TENM2: variants seen among roughly 807,000 people sequenced by gnomAD.
The protein encoded by TENM2 is teneurin-2.
A neutral mutation model predicts 245.2 loss-of-function variants in TENM2; 52 were observed. The ratio of observed to expected loss-of-function variants is 0.21; its 90% confidence interval spans 0.17 to 0.27. TENM2 has a LOEUF of 0.27. Ranked by LOEUF, TENM2 falls within the 10% of genes least tolerant of loss-of-function variation. TENM2 has a pLI of 1.00. For synonymous variants in TENM2, 1,363 were observed against 1,438.9 expected, an observed-to-expected ratio of 0.95 and a Z score of 1.19; for missense variants, 3,046 against 3,666.8, an observed-to-expected ratio of 0.83 and a Z score of 4.37.
intron 2 of TENM2, among the ~76,000 whole-genome samples, chr5:167,742,981 AACAACAAC>A (rs1561728255): frequency 1.1e-3 from 5 of 4,590 alleles, no homozygotes; most frequent in South Asian, 8.6e-3. Flanking sequence ...TCTTAAAAAC[AACAACAAC>A]AACAACAACA....
At chr5:167,776,586 C>A (rs1763794123) in intron 2 of TENM2, among the ~76,000 whole-genome samples, 1 of 78,576 alleles carries the variant, frequency 1.3e-5, no homozygotes, top group Admixed American at 1.7e-4. Context: ...CAGATGAGAC[C>A]CTGTCTGAAA....
At chr5:167,054,695 G>A in the TENM2 span, among the ~76,000 whole-genome samples, 1 of 152,096 alleles carries the variant, frequency 6.6e-6, no homozygotes, top group Non-Finnish European at 1.5e-5. Flanking sequence ...CCAGGAGTTG[G>A]TATTGTCAGT....
At position 168,118,498 on chromosome 5, in the gene TENM2, G is replaced by C. The variant is rs755138511; in HGVS notation, c.2008+12G>C. On this transcript the variant is annotated intron_variant, in intron 10 of 28. Transcript: ENST00000518659. Reference sequence around the variant, plus strand: ...GCACTGTGAGGAAGGTAAGCCCGCCGGCCCCGGGGCTAGGCAGCAGTGGAG... The same window carrying C: ...GCACTGTGAGGAAGGTAAGCCCGCCCGCCCCGGGGCTAGGCAGCAGTGGAG... 5.3e-6 allele frequency: 8 copies of C among 1,502,272 alleles called. No homozygotes were observed. The highest frequency in any genetic ancestry group is 4.6e-5 in the East Asian group (2 of 43,476). 93.1% of individuals were successfully genotyped at this position (1,502,272 alleles called of 1,614,324 possible).
chr5:168,036,677 G>GTGTATATATATA (rs575960979), intron 5 of TENM2, among the ~76,000 whole-genome samples: 4 of 117,794 alleles, frequency 3.4e-5, no homozygotes, highest in African/African-American at 1.4e-4. Flanking sequence ...ATATGTATGT[G>GTGTATATATATA]TATATATATA....
At chr5:167,808,290 C>G (rs554230241) in intron 2 of TENM2, among the ~76,000 whole-genome samples, 1 of 152,280 alleles carries the variant, frequency 6.6e-6, no homozygotes, top group Non-Finnish European at 1.5e-5. Context: ...GGTAGAGTCT[C>G]ACTCTGTCAC....
At chr5:168,127,747 G>C (rs754432888) in intron 12 of TENM2, among the ~76,000 whole-genome samples, 1 of 152,168 alleles carries the variant, frequency 6.6e-6, no homozygotes, top group Admixed American at 6.5e-5. Flanking sequence ...TTGTCAACTT[G>C]AGCATCATTT....
chr5:167,758,051 A>G (rs916773660), intron 2 of TENM2, among the ~76,000 whole-genome samples: 3 of 152,290 alleles, frequency 2.0e-5, no homozygotes, highest in Non-Finnish European at 4.4e-5. Context: ...TGTAGAATCT[A>G]CCAGAGTTTG....
chr5:168,132,102 C>T lies in TENM2; in HGVS notation c.2422+5136C>T, dbSNP rs937743485. ...AGGAGTCACCACATGCCCAGAAGTTCTTTTTGAGTCTGGGTCAGACAGTCT... is the reference window on the plus strand; with the variant it reads ...AGGAGTCACCACATGCCCAGAAGTTTTTTTTGAGTCTGGGTCAGACAGTCT... On this transcript the variant is annotated intron_variant, in intron 12 of 28. Transcript: ENST00000518659. Among the ~76,000 whole-genome samples the T allele has an allele frequency of 5.3e-5, 8 of 150,986 alleles. No individual in the cohort carries two copies. In the Admixed American group the frequency reaches 5.3e-4, roughly 10 times the overall value.
At chr5:167,606,621 C>G (rs1007497682) in intron 2 of TENM2, among the ~76,000 whole-genome samples, 9 of 151,982 alleles carry the variant, frequency 5.9e-5, no homozygotes, top group Admixed American at 6.6e-5. Flanking sequence ...GAGGGTAGTT[C>G]CCAACCCCGA....
chr5:167,622,678 C>T (rs78761881), intron 2 of TENM2, among the ~76,000 whole-genome samples: 1 of 152,062 alleles, frequency 6.6e-6, no homozygotes, highest in Non-Finnish European at 1.5e-5. Flanking sequence ...CCATCATACA[C>T]TGTAGACATG....
At position 168,063,492 on chromosome 5, in the gene TENM2, C is replaced by T. The variant is rs1313825177; in HGVS notation, c.1515+1227C>T. ...TTTCCTGCCTTGTATGCCCTCAAAT[C>T]CAGGAAGAACATAAGGTACATTAGG... On this transcript the variant is annotated intron_variant, in intron 7 of 28. Coordinates refer to ENST00000518659, the Ensembl canonical transcript of TENM2. 8.6e-5 allele frequency among the ~76,000 whole-genome samples: 13 copies of T among 151,922 alleles called. No homozygotes were observed. In the South Asian group the frequency reaches 1.9e-3, roughly 22 times the overall value.
chr5:167,755,314 G>A (rs1001843633), intron 2 of TENM2: 14 of 662,156 alleles, frequency 2.1e-5, no homozygotes, highest in South Asian at 7.3e-5. Flanking sequence ...GAGACTTGAC[G>A]GTGAAACTAT....
chr5:167,062,023 A>G, the TENM2 span, among the ~76,000 whole-genome samples: 95,998 of 151,440 alleles, frequency 0.63, 32,737 homozygotes, highest in African/African-American at 0.9. Context: ...CTGAACAGCC[A>G]CAGAAATAAC....
At chr5:168,050,935 C>A (rs956390492) in intron 6 of TENM2, among the ~76,000 whole-genome samples, 3 of 152,152 alleles carry the variant, frequency 2.0e-5, no homozygotes, top group Non-Finnish European at 4.4e-5. Flanking sequence ...CAGAATCACT[C>A]ACCATCTTGT....
At chr5:168,162,264 G>A (rs1473041430) in intron 12 of TENM2, among the ~76,000 whole-genome samples, 1 of 152,178 alleles carries the variant, frequency 6.6e-6, no homozygotes, top group Non-Finnish European at 1.5e-5. Flanking sequence ...CTTCTTTTCA[G>A]TAGCATCAAT....
chr5:168,253,421 A>ATTTT (rs758184753), intron 27 of TENM2, among the ~76,000 whole-genome samples: 1 of 108,608 alleles, frequency 9.2e-6, no homozygotes, highest in African/African-American at 3.0e-5. Context: ...AAATGCATTC[A>ATTTT]TTATTTTATT....
intron 2 of TENM2, among the ~76,000 whole-genome samples, chr5:167,775,694 AAAAAT>A (rs1380998697): frequency 6.6e-6 from 1 of 152,204 alleles, no homozygotes; most frequent in African/African-American, 2.4e-5. Flanking sequence ...GGATTAAAAA[AAAAAT>A]AAACAAGACA....
chr5:167,063,472 A>G, the TENM2 span, among the ~76,000 whole-genome samples: 1 of 152,042 alleles, frequency 6.6e-6, no homozygotes, highest in Non-Finnish European at 1.5e-5. Context: ...GTGTATCTGC[A>G]TTTTCAAATG....
chr5:168,257,477 G>A (rs1205804003), intron 27 of TENM2, among the ~76,000 whole-genome samples: 1 of 152,232 alleles, frequency 6.6e-6, no homozygotes, highest in Non-Finnish European at 1.5e-5. Flanking sequence ...GAGCGAGGGA[G>A]AGCATGGGAG....
Sources: gnomAD v4.1 joint callset for allele counts (sites outside exome capture counted in the v4.1 genomes callset) on GRCh38, gnomAD v4.1.1 for gene constraint, MANE v1.5 for transcripts, NCBI Gene and HGNC (gene_info 2026-07-23, HGNC 2026-07-21) for gene names.